The following CYB5D2 variants were observed in gnomAD, a reference collection of about 807,000 sequenced individuals.
The protein encoded by CYB5D2 is cytochrome b5 domain containing 2, also known as neuferricin.
A neutral mutation model predicts 22.8 loss-of-function variants in CYB5D2; 23 were observed. That is an observed-to-expected ratio of 1.01 (90% CI 0.73 to 1.43). The LOEUF (loss-of-function observed/expected upper bound fraction) is 1.43, where lower values mean the gene tolerates loss of function less well. Among genes scored for constraint, CYB5D2 ranks in the 40% most tolerant of loss-of-function variants. The pLI is 0.00. For synonymous variants in CYB5D2, 170 were observed against 152.2 expected (o/e 1.12, Z -0.86); for missense variants, 373 against 357.2 (o/e 1.04, Z -0.36).
intron 1 of CYB5D2, among the ~76,000 whole-genome samples, chr17:4,148,503 C>T (rs9892217): frequency 0.034 from 3,850 of 112,394 alleles, 195 homozygotes; most frequent in African/African-American, 0.12. Context: ...GGCAACAGAG[C>T]GAGACTCAGT....
rs749151546 is a variant in CYB5D2 at position 4,143,864 on chromosome 17, CT to C, written c.113del (p.Phe38SerfsTer55). ...GTGGGGTCCCCGCGCTGGCTTTCGCCTTTTCATACCGGAGGAGCTGTCTCGC... is the reference window on the plus strand; with the variant it reads ...GTGGGGTCCCCGCGCTGGCTTTCGCCTTTCATACCGGAGGAGCTGTCTCGC... ...GWWGPRAGFRLFIPEELSRYR... is the reference protein window; with the variant it reads ...GWWGPRAGFRXFIPEELSRYR... On this transcript the variant is annotated frameshift_variant, in exon 1 of 4. Coordinates refer to ENST00000301391, the MANE Select transcript of CYB5D2 (RefSeq NM_144611.4). LOFTEE classifies it high-confidence loss of function. 32 of 1,613,988 alleles carry C rather than the reference CT, an allele frequency of 2.0e-5. No homozygotes were observed. In the South Asian group the frequency reaches 3.3e-4, roughly 17 times the overall value.
chr17:4,150,150 A>T, intron 2 of CYB5D2, 119 bp downstream of exon 2: 1 of 1,333,436 alleles, frequency 7.5e-7, no homozygotes, highest in Middle Eastern at 2.6e-4. Flanking sequence ...GATTTGTTTT[A>T]CTTTAAATTC....
At chr17:4,152,971 T>C (rs2059073659) in intron 2 of CYB5D2, among the ~76,000 whole-genome samples, 1 of 151,928 alleles carries the variant, frequency 6.6e-6, no homozygotes, top group Non-Finnish European at 1.5e-5. Context: ...AGAGACAGGG[T>C]TTCACCATGT....
chr17:4,147,162 T>C (rs2059001400), intron 1 of CYB5D2, among the ~76,000 whole-genome samples: 1 of 152,126 alleles, frequency 6.6e-6, no homozygotes, highest in African/African-American at 2.4e-5. Context: ...TCTCAGCTAC[T>C]TGGGAGTTGG....
chr17:4,151,197 C>G (rs1224793060), intron 2 of CYB5D2, among the ~76,000 whole-genome samples: 1 of 152,008 alleles, frequency 6.6e-6, no homozygotes, highest in Non-Finnish European at 1.5e-5. Context: ...CCATTGTGGG[C>G]CTCTGCAGCA....
chr17:4,152,231 T>C (rs2059066432), intron 2 of CYB5D2, among the ~76,000 whole-genome samples: 1 of 152,198 alleles, frequency 6.6e-6, no homozygotes, highest in Non-Finnish European at 1.5e-5. Context: ...ATTGAATACC[T>C]ACTACTCATA....
chr17:4,143,723 C>G lies in CYB5D2; in HGVS notation c.-33C>G. On this transcript the variant is annotated 5_prime_UTR_variant, in exon 1 of 4. Coordinates refer to ENST00000301391, the MANE Select transcript of CYB5D2 (RefSeq NM_144611.4). ...TCTTAGCTGTAGATAGAGGCGGCAACCTCGGAAGTGCGGAGCGGGTGGGCC... is the reference window on the plus strand; with the variant it reads ...TCTTAGCTGTAGATAGAGGCGGCAAGCTCGGAAGTGCGGAGCGGGTGGGCC... 1 of 1,581,336 alleles carries G rather than the reference C, an allele frequency of 6.3e-7. No homozygotes were observed. The highest frequency in any genetic ancestry group is 8.6e-7 in the Non-Finnish European group (1 of 1,160,354).
Position 4,157,224 on chromosome 17 carries a change from C to T in CYB5D2, c.*142C>T, listed in dbSNP as rs2059122217. 1 of 961,996 alleles carries T rather than the reference C, an allele frequency of 1.0e-6. No homozygotes were observed. The highest frequency in any genetic ancestry group is 1.6e-5 in the African/African-American group (1 of 61,226). The allele number at this position is 961,996 out of a possible 1,614,324, so 59.6% of individuals were successfully genotyped here. A position where few individuals can be genotyped will look rare whatever the true frequency, so the allele number is the denominator to read the frequency against. On this transcript the variant is annotated 3_prime_UTR_variant, in exon 4 of 4. Coordinates refer to ENST00000301391, the MANE Select transcript of CYB5D2 (RefSeq NM_144611.4). This position sits in a 1 kb window ranked among gnomAD's most constrained non-coding sequence, Gnocchi z 4.4. ...CTCTGGCTATATTCTGCAAATGTGGCTCATGCCCCTTACCGTGGCTCGGCG... is the reference window on the plus strand; with the variant it reads ...CTCTGGCTATATTCTGCAAATGTGGTTCATGCCCCTTACCGTGGCTCGGCG...
chr17:4,150,179 T>G (rs2059039956), intron 2 of CYB5D2, 148 bp downstream of exon 2: 1 of 999,136 alleles, frequency 1.0e-6, no homozygotes, highest in African/African-American at 1.6e-5. Flanking sequence ...AGAATAGGGA[T>G]GAGCCGCCCA....
At chr17:4,152,993 G>A (rs1343049987) in intron 2 of CYB5D2, among the ~76,000 whole-genome samples, 10 of 152,096 alleles carry the variant, frequency 6.6e-5, no homozygotes, top group African/African-American at 2.2e-4. Context: ...GGCCTGGCTG[G>A]TCTCGAACCC....
At chr17:4,149,811 AAAAG>A (rs1386420762) in intron 1 of CYB5D2, 76 bp from the exon 2 acceptor site, 57 of 1,542,818 alleles carry the variant, frequency 3.7e-5, no homozygotes, top group Middle Eastern at 1.7e-4. Context: ...AAAAAAAAGA[AAAAG>A]AAAGAAAACA....
chr17:4,150,134 G>C, intron 2 of CYB5D2, 103 bp downstream of exon 2: 13 of 1,429,818 alleles, frequency 9.1e-6, no homozygotes, highest in Non-Finnish European at 1.3e-5. Context: ...CTGAAAAACA[G>C]CCATGGATTT....
chr17:4,154,539 G>A (rs1162872042), intron 2 of CYB5D2, 135 bp from the exon 3 acceptor site: 1 of 964,144 alleles, frequency 1.0e-6, no homozygotes, highest in Non-Finnish European at 1.5e-6. Context: ...CACCAGGAGT[G>A]CCTGCAGTAG....
chr17:4,149,443 A>G (rs2059029242), intron 1 of CYB5D2, among the ~76,000 whole-genome samples: 1 of 152,242 alleles, frequency 6.6e-6, no homozygotes, highest in Non-Finnish European at 1.5e-5. Flanking sequence ...CATCTTTCAC[A>G]GAGGAGGTGG....
chr17:4,154,612 C>T, intron 2 of CYB5D2, 62 bp from the exon 3 acceptor site: 2 of 1,554,596 alleles, frequency 1.3e-6, no homozygotes, highest in Middle Eastern at 1.7e-4. Flanking sequence ...TTGTGCCTTC[C>T]CACACCTGCC....
chr17:4,147,959 G>T (rs751943550), intron 1 of CYB5D2, among the ~76,000 whole-genome samples: 1 of 152,220 alleles, frequency 6.6e-6, no homozygotes, highest in Non-Finnish European at 1.5e-5. Flanking sequence ...ACAGAGGGAA[G>T]CCTCTGAGGA....
chr17:4,145,271 C>T (rs987084402), intron 1 of CYB5D2, among the ~76,000 whole-genome samples: 5 of 152,182 alleles, frequency 3.3e-5, no homozygotes, highest in Non-Finnish European at 7.3e-5. Flanking sequence ...AAATACAAGC[C>T]ACTTCCCTCT....
chr17:4,150,729 T>TA (rs1567889469), intron 2 of CYB5D2, among the ~76,000 whole-genome samples: 2 of 151,948 alleles, frequency 1.3e-5, no homozygotes, highest in South Asian at 2.1e-4. Flanking sequence ...TACTAAAAAA[T>TA]ACAAAAATTA....
chr17:4,150,158 T>G, intron 2 of CYB5D2, 127 bp downstream of exon 2: 2 of 1,266,322 alleles, frequency 1.6e-6, no homozygotes, highest in Non-Finnish European at 2.2e-6. Context: ...TTACTTTAAA[T>G]TCTGGTCGTT....
Sources: gnomAD v4.1 joint callset for allele counts (sites outside exome capture counted in the v4.1 genomes callset) on GRCh38, gnomAD v4.1.1 for gene constraint, Gnocchi (gnomAD v3.1) non-coding constraint, MANE v1.5 for transcripts, NCBI Gene and HGNC (gene_info 2026-07-23, HGNC 2026-07-21) for gene names.